The following ZNF410 variants were observed in gnomAD, a reference collection of about 807,000 sequenced individuals.
ZNF410 encodes another partner for ARF 1.
ZNF410 carries 18 observed loss-of-function variants against 54.8 expected under a neutral mutation model. The ratio of observed to expected loss-of-function variants is 0.33; its 90% CI spans 0.23 to 0.49. ZNF410 has a LOEUF of 0.49. Among genes scored for constraint, ZNF410 ranks in the 20% least tolerant of loss-of-function variants. The probability of loss-of-function intolerance (pLI) is 0.99; values close to 1 mark genes in which losing one functional copy is unlikely to be tolerated. For synonymous variants in ZNF410, 191 were observed against 207.3 expected (o/e 0.92, Z 0.68); for missense variants, 405 against 569.6 (o/e 0.71, Z 2.94).
intron 8 of ZNF410, among the ~76,000 whole-genome samples, chr14:73,910,080 CT>C (rs1374603984): frequency 6.6e-6 from 1 of 152,124 alleles, no homozygotes; most frequent in Admixed American, 6.5e-5. Context: ...AAGCCTGTAT[CT>C]TGTTAGAAGG....
intron 8 of ZNF410, among the ~76,000 whole-genome samples, chr14:73,917,880 C>A (rs1334775016): frequency 1.3e-5 from 2 of 151,962 alleles, no homozygotes; most frequent in Non-Finnish European, 2.9e-5. Context: ...ATATAATTAT[C>A]CCTTGTTATC....
intron 8 of ZNF410, among the ~76,000 whole-genome samples, chr14:73,919,561 A>C (rs1046307390): frequency 1.3e-5 from 2 of 152,060 alleles, no homozygotes; most frequent in Non-Finnish European, 2.9e-5. Flanking sequence ...TTTCTGTGTT[A>C]ATTTGCTTAA....
At chr14:73,931,453 T>C (rs758205313) in intron 11 of ZNF410, 50 bp from the exon 12 acceptor site, 3 of 1,505,058 alleles carry the variant, frequency 2.0e-6, no homozygotes. Flanking sequence ...AATTATTTTT[T>C]CTATAATTCA....
At chr14:73,912,016 G>A (rs2055587587) in intron 8 of ZNF410, among the ~76,000 whole-genome samples, 1 of 152,084 alleles carries the variant, frequency 6.6e-6, no homozygotes, top group Non-Finnish European at 1.5e-5. Context: ...TTCAAAGTTT[G>A]GAAGTTTTGG....
intron 7 of ZNF410, among the ~76,000 whole-genome samples, chr14:73,907,344 T>C (rs1461810029): frequency 6.6e-6 from 1 of 152,214 alleles, no homozygotes; most frequent in Non-Finnish European, 1.5e-5. Context: ...ACACCTGTAA[T>C]CCCAGCACTT....
At chr14:73,887,724 GTTT>G (rs982683260) in intron 1 of ZNF410, among the ~76,000 whole-genome samples, 2 of 152,218 alleles carry the variant, frequency 1.3e-5, no homozygotes, top group African/African-American at 4.8e-5. Context: ...ATTGCACTTG[GTTT>G]TTTCTTAGTG....
intron 11 of ZNF410, among the ~76,000 whole-genome samples, chr14:73,924,528 G>A (rs1332263248): frequency 6.6e-6 from 1 of 152,140 alleles, no homozygotes; most frequent in Non-Finnish European, 1.5e-5. Flanking sequence ...TAAAATCTTG[G>A]GATATTTCAC....
In ZNF410 at chr14:73,893,823, G is replaced by A. The variant is rs773535221; in HGVS notation, c.60G>A (p.Thr20=). The change falls in exon 3 of 12, where the codon ACG becomes ACA. Residue 20 remains threonine (T), a synonymous_variant. Transcript: ENST00000555044. Reference sequence around the variant, plus strand: ...TCCTGGTACAGTTTGTTCAGAATACGTCCATCCCATTGGGACAGGGGCTTG... The same window carrying A: ...TCCTGGTACAGTTTGTTCAGAATACATCCATCCCATTGGGACAGGGGCTTG... ...PELLVQFVQN[T]SIPLGQGLVE... is the part of the protein sequence containing the mutation. 6.2e-6 allele frequency: 10 copies of A among 1,613,030 alleles called. No homozygotes were observed. The highest frequency in any genetic ancestry group is 2.2e-5 in the East Asian group (1 of 44,884).
chr14:73,900,299 T>C (rs575764899), intron 5 of ZNF410, among the ~76,000 whole-genome samples: 1 of 152,314 alleles, frequency 6.6e-6, no homozygotes, highest in South Asian at 2.1e-4. Flanking sequence ...ATGTAAACTT[T>C]TAAGCATGTA....
chr14:73,898,939 A>G (rs1447299103), intron 5 of ZNF410, among the ~76,000 whole-genome samples: 1 of 152,230 alleles, frequency 6.6e-6, no homozygotes, highest in African/African-American at 2.4e-5. Context: ...TGGTTCTGAT[A>G]CATGTTAAAG....
At chr14:73,900,520 C>T (rs958800033) in intron 5 of ZNF410, among the ~76,000 whole-genome samples, 2 of 151,746 alleles carry the variant, frequency 1.3e-5, no homozygotes, top group Non-Finnish European at 2.9e-5. Context: ...ACTACATGTG[C>T]ATGCCACCAT....
chr14:73,910,254 G>A (rs2055556953), intron 8 of ZNF410, among the ~76,000 whole-genome samples: 1 of 152,206 alleles, frequency 6.6e-6, no homozygotes, highest in Non-Finnish European at 1.5e-5. Context: ...TGATGCAGAA[G>A]CTAAACTAAA....
intron 3 of ZNF410, chr14:73,894,489 T>G: frequency 1.5e-6 from 1 of 689,384 alleles, no homozygotes; most frequent in East Asian, 2.7e-5. Context: ...TGACGCAATC[T>G]TGGCTCACTG....
chr14:73,918,583 C>T (rs899633523), intron 8 of ZNF410, among the ~76,000 whole-genome samples: 1 of 151,682 alleles, frequency 6.6e-6, no homozygotes, highest in Non-Finnish European at 1.5e-5. Flanking sequence ...AAAAGAAGTC[C>T]CATTATTAGT....
chr14:73,890,977 C>T (rs960569944), intron 1 of ZNF410, among the ~76,000 whole-genome samples: 2 of 152,100 alleles, frequency 1.3e-5, no homozygotes, highest in South Asian at 2.1e-4. Context: ...CATTGTGCTC[C>T]AGCCTGGGCA....
chr14:73,917,206 A>G (rs2055680755), intron 8 of ZNF410, among the ~76,000 whole-genome samples: 1 of 152,168 alleles, frequency 6.6e-6, no homozygotes, highest in African/African-American at 2.4e-5. Flanking sequence ...GATAATACCA[A>G]TATTATCAAT....
chr14:73,900,997 T>C (rs1036036356), intron 5 of ZNF410, among the ~76,000 whole-genome samples: 3 of 152,228 alleles, frequency 2.0e-5, no homozygotes, highest in African/African-American at 4.8e-5. Flanking sequence ...TTTTAATGCA[T>C]TTTTAACATA....
At chr14:73,892,655 A>C (rs2055249869) in intron 2 of ZNF410, among the ~76,000 whole-genome samples, 1 of 152,142 alleles carries the variant, frequency 6.6e-6, no homozygotes, top group Non-Finnish European at 1.5e-5. Context: ...TAAATTTAGC[A>C]CATCTGTGTT....
intron 7 of ZNF410, chr14:73,905,715 C>A (rs543234751): frequency 1.2e-4 from 18 of 152,182 alleles, no homozygotes; most frequent in African/African-American, 4.3e-4. Context: ...ATCACTGAAC[C>A]CACACCACTC....
Sources: allele counts gnomAD v4.1 joint callset (sites outside exome capture counted in the v4.1 genomes callset), GRCh38; gene constraint gnomAD v4.1.1; transcripts MANE v1.5; gene names NCBI Gene and HGNC (gene_info 2026-07-23, HGNC 2026-07-21).